Variants in BLTP3B observed in about 807,000 individuals in gnomAD.
BLTP3B encodes UHRF1 (ICBP90) binding protein 1-like.
chr12:100,063,694 G>A, the BLTP3B span, among the ~76,000 whole-genome samples: 19 of 134,956 alleles, frequency 1.4e-4, no homozygotes, highest in African/African-American at 4.8e-4. Context: ...CAACAAGAGT[G>A]AACTCCGTCT....
the BLTP3B span, among the ~76,000 whole-genome samples, chr12:100,103,115 G>T: frequency 6.6e-6 from 1 of 152,104 alleles, no homozygotes; most frequent in African/African-American, 2.4e-5. Context: ...GGGGAATTAA[G>T]ACATAGCCAT....
At chr12:100,135,986 G>A in the BLTP3B span, among the ~76,000 whole-genome samples, 3 of 152,156 alleles carry the variant, frequency 2.0e-5, no homozygotes, top group African/African-American at 7.2e-5. Context: ...GCCAAAGTGG[G>A]TGGATCACAA....
chr12:100,094,815 G>A, the BLTP3B span, among the ~76,000 whole-genome samples: 1 of 152,182 alleles, frequency 6.6e-6, no homozygotes, highest in Non-Finnish European at 1.5e-5. Context: ...AGCTGAGATT[G>A]TGCCAGTGAA....
At chr12:100,109,681 G>A in the BLTP3B span, among the ~76,000 whole-genome samples, 2 of 151,572 alleles carry the variant, frequency 1.3e-5, no homozygotes, top group Non-Finnish European at 2.9e-5. Flanking sequence ...TGGGAGTTTC[G>A]CTTCAGTCCA....
chr12:100,057,951 C>A, the BLTP3B span: 1 of 1,479,198 alleles, frequency 6.8e-7, no homozygotes, highest in East Asian at 2.3e-5. Flanking sequence ...TTTTCTGCCT[C>A]AAAACAAAAT....
the BLTP3B span, among the ~76,000 whole-genome samples, chr12:100,099,721 T>C: frequency 1.3e-5 from 2 of 151,668 alleles, no homozygotes; most frequent in African/African-American, 4.8e-5. Context: ...CACTCTAGCC[T>C]GGGCAACAGG....
At chr12:100,104,023 G>A in the BLTP3B span, 2 of 1,150,542 alleles carry the variant, frequency 1.7e-6, no homozygotes, top group Non-Finnish European at 2.5e-6. Context: ...ATCAATACAG[G>A]TGTTATATTA....
the BLTP3B span, chr12:100,051,275 T>C: frequency 4.6e-6 from 7 of 1,520,240 alleles, no homozygotes; most frequent in Non-Finnish European, 6.2e-6. Flanking sequence ...ACACATGATC[T>C]AACACTGTAT....
chr12:100,073,732 AAT>A, the BLTP3B span, among the ~76,000 whole-genome samples: 1 of 152,202 alleles, frequency 6.6e-6, no homozygotes, highest in Admixed American at 6.5e-5. Flanking sequence ...CAAATCAATA[AAT>A]ATGATTCACC....
At chr12:100,109,769 A>G in the BLTP3B span, among the ~76,000 whole-genome samples, 4 of 70,300 alleles carry the variant, frequency 5.7e-5, no homozygotes, top group Admixed American at 4.6e-4. Flanking sequence ...CTGTCTCAGA[A>G]AAAAAAAAAA....
chr12:100,066,762 C>T, the BLTP3B span, among the ~76,000 whole-genome samples: 1 of 152,016 alleles, frequency 6.6e-6, no homozygotes, highest in African/African-American at 2.4e-5. Flanking sequence ...CGAGATCACA[C>T]CACTGCACTC....
chr12:100,090,352 A>G, the BLTP3B span, among the ~76,000 whole-genome samples: 1 of 152,184 alleles, frequency 6.6e-6, no homozygotes, highest in Non-Finnish European at 1.5e-5. Context: ...TATAAAAATA[A>G]ATATGAACCT....
the BLTP3B span, chr12:100,095,644 T>C: frequency 7.0e-6 from 11 of 1,580,688 alleles, no homozygotes; most frequent in Admixed American, 1.8e-4. Flanking sequence ...GTAAGTATTT[T>C]TCCTGTTAAC....
the BLTP3B span, chr12:100,098,224 C>T: frequency 9.9e-7 from 1 of 1,013,454 alleles, no homozygotes; most frequent in South Asian, 1.8e-5. Flanking sequence ...TCTCCCCGCA[C>T]CCTCCCCAAA....
the BLTP3B span, among the ~76,000 whole-genome samples, chr12:100,055,357 C>T: frequency 6.6e-6 from 1 of 152,028 alleles, no homozygotes; most frequent in African/African-American, 2.4e-5. Flanking sequence ...AAAATAGTAA[C>T]TGGTATAGTA....
At chr12:100,125,917 G>A in the BLTP3B span, among the ~76,000 whole-genome samples, 1 of 152,120 alleles carries the variant, frequency 6.6e-6, no homozygotes, top group Non-Finnish European at 1.5e-5. Flanking sequence ...CAATAAAAAT[G>A]GCAACAGGAT....
the BLTP3B span, among the ~76,000 whole-genome samples, chr12:100,078,663 C>T: frequency 1.5e-4 from 23 of 152,268 alleles, no homozygotes; most frequent in Admixed American, 9.8e-4. Context: ...TATATTTACA[C>T]ATCTATATAG....
chr12:100,090,114 C>T, the BLTP3B span, among the ~76,000 whole-genome samples: 1 of 152,082 alleles, frequency 6.6e-6, no homozygotes, highest in African/African-American at 2.4e-5. Context: ...TTATCAGCAG[C>T]GTGAAAAGGG....
chr12:100,092,397 G>C, the BLTP3B span, among the ~76,000 whole-genome samples: 8 of 152,164 alleles, frequency 5.3e-5, no homozygotes. Context: ...GCAACAAAAC[G>C]TAATAGCTAC....
Sources: gnomAD v4.1 joint callset for allele counts (sites outside exome capture counted in the v4.1 genomes callset) on GRCh38, gnomAD v4.1.1 for gene constraint, MANE v1.5 for transcripts, NCBI Gene and HGNC (gene_info 2026-07-23, HGNC 2026-07-21) for gene names.